Variants in KSR2 observed in about 807,000 individuals in gnomAD.
The protein encoded by KSR2 is kinase suppressor of ras 2.
In KSR2, 25 loss-of-function variants were observed where a neutral mutation model predicts 107.8. The observed-to-expected ratio is 0.23, with a 90% CI of 0.17 to 0.32. KSR2 has a LOEUF of 0.32. Among genes scored for constraint, KSR2 ranks in the 10% least tolerant of loss-of-function variants. The pLI, the probability that KSR2 is intolerant of heterozygous loss-of-function variation, is 1.00. For missense variants in KSR2, 887 were observed against 1,268.9 expected (o/e 0.70, Z 4.57); for synonymous variants, 480 against 507.0 (o/e 0.95, Z 0.71).
At position 117,760,971 on chromosome 12, in the gene KSR2, G is replaced by A. The variant is rs748004223; in HGVS notation, c.986+40C>T. ...ACCAAGGGGCAGCCCCTCGCAGGCC[G>A]GGTTTCGACCGCCCCAGGGCACCCA... On this transcript the variant is annotated intron_variant, in intron 4 of 19. Transcript: ENST00000339824. 6.2e-6 allele frequency: 10 copies of A among 1,610,532 alleles called. No individual in the cohort carries two copies. In the East Asian group the frequency reaches 6.7e-5, roughly 11 times the overall value.
At chr12:117,767,890 G>A (rs1349689087) in intron 3 of KSR2, among the ~76,000 whole-genome samples, 1 of 152,092 alleles carries the variant, frequency 6.6e-6, no homozygotes, top group African/African-American at 2.4e-5. Context: ...GAGAACTAAG[G>A]GCCGGTGTGA....
At chr12:117,834,411 C>T (rs972328740) in intron 3 of KSR2, among the ~76,000 whole-genome samples, 7 of 122,144 alleles carry the variant, frequency 5.7e-5, no homozygotes, top group South Asian at 5.0e-4. Context: ...TTTGACATCA[C>T]AAAATGGTCC....
chr12:117,651,124 G>C (rs1177407481), intron 5 of KSR2, among the ~76,000 whole-genome samples: 1 of 152,070 alleles, frequency 6.6e-6, no homozygotes, highest in Non-Finnish European at 1.5e-5. Flanking sequence ...TTGCCAGAAG[G>C]AACAACTTCC....
Position 117,516,351 on chromosome 12 carries a change from A to G in KSR2, c.2219+8501T>C, listed in dbSNP as rs369413747. 9.8e-5 allele frequency among the ~76,000 whole-genome samples: 15 copies of G among 152,286 alleles called. No homozygotes were observed. In the South Asian group the frequency reaches 3.1e-3, roughly 32 times the overall value. On this transcript the variant is annotated intron_variant, in intron 14 of 19. Transcript: ENST00000339824. Reference sequence around the variant, plus strand: ...AGGTTCAGTAACTTGGCCAGGGTGCAAGCCAGGAGCACAGCTGGGACACAA... The same window carrying G: ...AGGTTCAGTAACTTGGCCAGGGTGCGAGCCAGGAGCACAGCTGGGACACAA...
chr12:117,806,127 C>T (rs529021221), intron 3 of KSR2, among the ~76,000 whole-genome samples: 1 of 152,140 alleles, frequency 6.6e-6, no homozygotes, highest in Non-Finnish European at 1.5e-5. Flanking sequence ...AAACAACGTC[C>T]GGCATTTCCT....
At chr12:117,867,331 A>G (rs1593320847) in intron 1 of KSR2, among the ~76,000 whole-genome samples, 1 of 151,694 alleles carries the variant, frequency 6.6e-6, no homozygotes, top group South Asian at 2.1e-4. Flanking sequence ...AAAAAAAGGG[A>G]AAATTCCCTA....
In KSR2 at chr12:117,923,864, A is replaced by G. The variant is rs550886412; in HGVS notation, c.180+44212T>C. Among the ~76,000 whole-genome samples the G allele has an allele frequency of 2.7e-5, 4 of 150,644 alleles. No homozygotes were observed. In the South Asian group the frequency reaches 8.4e-4, roughly 32 times the overall value. ...TGTTTTGTGTAACAAAGGAGTTGACATTAATATATATTTGCTTTTTTTTTT... is the reference window on the plus strand; with the variant it reads ...TGTTTTGTGTAACAAAGGAGTTGACGTTAATATATATTTGCTTTTTTTTTT... On this transcript the variant is annotated intron_variant, in intron 1 of 19. Coordinates refer to ENST00000339824, the MANE Select transcript of KSR2 (RefSeq NM_173598.6).
At chr12:117,638,895 C>T (rs1177657587) in intron 5 of KSR2, among the ~76,000 whole-genome samples, 1 of 152,012 alleles carries the variant, frequency 6.6e-6, no homozygotes, top group Non-Finnish European at 1.5e-5. Context: ...TATTTTAATG[C>T]AATAATTTTT....
At chr12:117,659,372 T>A (rs1232247861) in intron 5 of KSR2, among the ~76,000 whole-genome samples, 1 of 152,192 alleles carries the variant, frequency 6.6e-6, no homozygotes, top group East Asian at 1.9e-4. Flanking sequence ...AGAAGACTGA[T>A]GATAAGAACC....
intron 1 of KSR2, among the ~76,000 whole-genome samples, chr12:117,866,573 T>C (rs948670103): frequency 1.3e-5 from 2 of 152,088 alleles, no homozygotes; most frequent in East Asian, 3.9e-4. Flanking sequence ...CTCACGCCTA[T>C]AATCCCAGCA....
At chr12:117,596,360 C>T (rs1481693857) in intron 5 of KSR2, among the ~76,000 whole-genome samples, 1 of 152,150 alleles carries the variant, frequency 6.6e-6, no homozygotes, top group Non-Finnish European at 1.5e-5. Flanking sequence ...TCCCATGACA[C>T]ATGGGAATTA....
chr12:117,542,868 T>C (rs1178556379), intron 9 of KSR2, among the ~76,000 whole-genome samples: 1 of 152,246 alleles, frequency 6.6e-6, no homozygotes, highest in Non-Finnish European at 1.5e-5. Flanking sequence ...CTTTTCAGAT[T>C]GCCTTTTTTC....
intron 5 of KSR2, among the ~76,000 whole-genome samples, chr12:117,593,019 G>T (rs113033384): frequency 1.3e-5 from 2 of 151,934 alleles, no homozygotes; most frequent in African/African-American, 4.8e-5. Flanking sequence ...TAATTTTACC[G>T]CTATGATCTG....
chr12:117,481,286 T>C (rs1478052471), intron 16 of KSR2, among the ~76,000 whole-genome samples: 1 of 152,050 alleles, frequency 6.6e-6, no homozygotes, highest in African/African-American at 2.4e-5. Flanking sequence ...CCCCCAAATT[T>C]AGTATGTTGA....
intron 5 of KSR2, 127 bp downstream of exon 5, chr12:117,667,347 G>T: frequency 1.1e-6 from 1 of 889,256 alleles, no homozygotes; most frequent in Non-Finnish European, 1.8e-6. Context: ...AAGCTCTACA[G>T]TGAGCATTTC....
chr12:117,725,528 A>T (rs944082514), intron 4 of KSR2, among the ~76,000 whole-genome samples: 2 of 152,254 alleles, frequency 1.3e-5, no homozygotes, highest in African/African-American at 4.8e-5. Flanking sequence ...ATATGCAAAA[A>T]TTAATGTGAG....
intron 3 of KSR2, among the ~76,000 whole-genome samples, chr12:117,832,931 G>A (rs1310829761): frequency 6.6e-6 from 1 of 152,202 alleles, no homozygotes; most frequent in South Asian, 2.1e-4. Context: ...AGACCCAGGA[G>A]AGACCAGTGG....
At chr12:117,710,682 G>A (rs868082245) in intron 4 of KSR2, among the ~76,000 whole-genome samples, 1 of 152,136 alleles carries the variant, frequency 6.6e-6, no homozygotes, top group Non-Finnish European at 1.5e-5. Flanking sequence ...ATCCATGATC[G>A]TAAGAATTAA....
chr12:117,910,454 T>C (rs765655867), intron 1 of KSR2, among the ~76,000 whole-genome samples: 1 of 152,178 alleles, frequency 6.6e-6, no homozygotes, highest in Non-Finnish European at 1.5e-5. Context: ...ATAGTCAATG[T>C]TGGCAAGCGA....
Sources: allele counts gnomAD v4.1 joint callset (sites outside exome capture counted in the v4.1 genomes callset), GRCh38; gene constraint gnomAD v4.1.1; transcripts MANE v1.5; gene names NCBI Gene and HGNC (gene_info 2026-07-23, HGNC 2026-07-21).